The following ZNF256 variants were observed in gnomAD, a reference collection of about 807,000 sequenced individuals.
ZNF256 encodes the protein bone marrow zinc finger 3.
ZNF256 carries 4 observed loss-of-function variants against 7.9 expected under a neutral mutation model. The observed-to-expected ratio is 0.50, with a 90% CI of 0.25 to 1.15. ZNF256 has a LOEUF of 1.15. Ranked by LOEUF, ZNF256 falls within the 50% of genes most tolerant of loss-of-function variation. ZNF256 has a pLI of 0.15. For missense variants in ZNF256, 666 were observed against 755.9 expected (o/e 0.88, Z 1.39); for synonymous variants, 260 against 260.4 (o/e 1.00, Z 0.02).
rs904637837 is a variant in ZNF256, at chr19:57,943,844, A to G, written c.160+90T>C. The G allele has an allele frequency of 2.6e-6, 4 of 1,525,146 alleles. No individual in the cohort carries two copies. In the African/African-American group the frequency reaches 4.2e-5, roughly 16 times the overall value. The allele number at this position is 1,525,146 out of a possible 1,614,324, so 94.5% of individuals were successfully genotyped here. A position where few individuals can be genotyped will look rare whatever the true frequency, so the allele number is the denominator to read the frequency against. On this transcript the variant is annotated intron_variant, in intron 2 of 2. Coordinates refer to ENST00000282308, the MANE Select transcript of ZNF256 (RefSeq NM_005773.3). ...TGCCCAGGAACAGGAAGCTGTGTCA[A>G]TAGTCCTCTTGTGAAGACACATCTG... is the stretch of plus-strand genomic sequence containing the variant.
rs774222696 is a variant in ZNF256, at chr19:57,940,979, T to C, written c.1829A>G (p.Lys610Arg). Residue 610 changes from lysine to arginine, a missense_variant, in exon 3 of 3, where the codon AAA becomes AGA. Transcript: ENST00000282308. ...GAGGTTGGAGTTGAAGGTAAAAAAT[T>C]TTCCACAGTCACTACACTCATAAGG... Reference protein sequence around the residue: ...ERPYECSDCGKFFTFNSNLLK... With the variant: ...ERPYECSDCGRFFTFNSNLLK... The C allele has an allele frequency of 1.6e-5, 26 of 1,614,050 alleles. No individual in the cohort carries two copies. Among genetic ancestry groups the C allele is most frequent in the East Asian group, 2.2e-5 (1 of 44,900 alleles).
At chr19:57,946,316 T>C (rs76197662) in intron 1 of ZNF256, among the ~76,000 whole-genome samples, 1,826 of 152,330 alleles carry the variant, frequency 0.012, 26 homozygotes, top group Middle Eastern at 0.037. Context: ...AACGCCTCCA[T>C]TTAGTAGGCT....
At chr19:57,947,251 T>G (rs1437137378) in intron 1 of ZNF256, among the ~76,000 whole-genome samples, 191 bp downstream of exon 1, 1 of 152,192 alleles carries the variant, frequency 6.6e-6, no homozygotes, top group Non-Finnish European at 1.5e-5. Flanking sequence ...CAGGGCTCAG[T>G]GGCGCCTCTC....
At position 57,941,222 on chromosome 19, in the gene ZNF256, C is replaced by A. The variant is rs371194806; in HGVS notation, c.1586G>T (p.Ser529Ile). Residue 529 changes from serine (S) to isoleucine (I), a missense_variant, in exon 3 of 3, where the codon AGC (serine) becomes ATC (isoleucine). By Grantham distance (142) the Ser-to-Ile change is moderately radical (BLOSUM62 -2). Transcript: ENST00000282308. ...ATGTCTAATGAGGCTGGAGCTCTGG[C>A]TAAAAAACTTCCCACATTCATTGCA... ...YECNECGKFF[S>I]QSSSLIRHRR... The A allele has an allele frequency of 1.9e-5, 30 of 1,613,634 alleles. No individual in the cohort carries two copies. Among genetic ancestry groups the A allele is most frequent in the Non-Finnish European group, 2.2e-5 (26 of 1,179,752 alleles).
chr19:57,944,161 C>A, intron 1 of ZNF256, 101 bp from the exon 2 acceptor site: 1 of 1,543,100 alleles, frequency 6.5e-7, no homozygotes, highest in South Asian at 1.2e-5. Flanking sequence ...TCTTTCCAAG[C>A]TCTCCAAGCT....
chr19:57,944,208 T>C, intron 1 of ZNF256, 148 bp from the exon 2 acceptor site: 1 of 1,195,714 alleles, frequency 8.4e-7, no homozygotes, highest in Non-Finnish European at 1.2e-6. Context: ...GCTGGTGCTG[T>C]TGTCTCCTAA....
At position 57,942,074 on chromosome 19, in the gene ZNF256, C is replaced by A. The variant is rs2072733536; in HGVS notation, c.734G>T (p.Gly245Val). 7.4e-6 allele frequency: 12 copies of A among 1,614,084 alleles called. No homozygotes were observed. Among genetic ancestry groups the A allele is most frequent in the Non-Finnish European group, 1.0e-5 (12 of 1,180,048 alleles). ...GCTACAGCTTGTGCTAAAAGATTTCCCACATTCACTGCACATGTAAGATCT... is the reference window on the plus strand; with the variant it reads ...GCTACAGCTTGTGCTAAAAGATTTCACACATTCACTGCACATGTAAGATCT... ...RERSYMCSEC[G>V]KSFSTSCSLS... is the part of the protein sequence containing the mutation. Residue 245 changes from glycine (G) to valine (V), a missense_variant, in exon 3 of 3, where the codon GGG becomes GTG. Coordinates refer to ENST00000282308, the MANE Select transcript of ZNF256 (RefSeq NM_005773.3).
At chr19:57,946,870 C>G (rs551059955) in intron 1 of ZNF256, among the ~76,000 whole-genome samples, 1 of 152,304 alleles carries the variant, frequency 6.6e-6, no homozygotes, top group Admixed American at 6.5e-5. Flanking sequence ...CATCTTGTAC[C>G]TTTCTGGAAA....
At chr19:57,942,689 G>A (rs1356224935) in intron 2 of ZNF256, 42 bp from the exon 3 acceptor site, 2 of 1,587,440 alleles carry the variant, frequency 1.3e-6, no homozygotes, top group Non-Finnish European at 8.6e-7. Flanking sequence ...GCTGACTTTA[G>A]TGGAGTGGAG....
chr19:57,942,747 A>C, intron 2 of ZNF256, 100 bp from the exon 3 acceptor site: 1 of 1,435,420 alleles, frequency 7.0e-7, no homozygotes, highest in Non-Finnish European at 9.4e-7. Flanking sequence ...AACTGAGTCC[A>C]TGGGGTTGTT....
In ZNF256 at chr19:57,942,061, G is replaced by A. The variant is rs1214486554; in HGVS notation, c.747C>T (p.Ser249=). The part of the protein sequence containing the change: ...YMCSECGKSF[S]TSCSLSDHLR... Reference sequence around the variant, plus strand: ...AATGATCACTGAGGCTACAGCTTGTGCTAAAAGATTTCCCACATTCACTGC... The same window carrying A: ...AATGATCACTGAGGCTACAGCTTGTACTAAAAGATTTCCCACATTCACTGC... Residue 249 remains serine, a synonymous_variant, in exon 3 of 3, where the codon AGC becomes AGT. Transcript: ENST00000282308. 1 of 1,614,190 alleles carries A rather than the reference G, an allele frequency of 6.2e-7. No individual in the cohort carries two copies. Among genetic ancestry groups the A allele is most frequent in the Non-Finnish European group, 8.5e-7 (1 of 1,180,036 alleles).
Position 57,942,558 on chromosome 19 carries a change from G to A in ZNF256, c.250C>T (p.Pro84Ser). ...VSQVRIPKAL[P>S]SPQKTNPCEI... ...CAGGGGTTGGTCTTCTGGGGAGAAG[G>A]AAGGGCCTTAGGAATCCTAACCTGT... The change falls in exon 3 of 3, where the codon CCT becomes TCT. Residue 84 changes from proline to serine, a missense_variant. Physicochemically the swap from Pro to Ser is moderately conservative, Grantham distance 74. Coordinates refer to ENST00000282308, the MANE Select transcript of ZNF256 (RefSeq NM_005773.3). The A allele has an allele frequency of 1.9e-6, 3 of 1,614,194 alleles. No individual in the cohort carries two copies. Among genetic ancestry groups the A allele is most frequent in the Non-Finnish European group, 2.5e-6 (3 of 1,180,042 alleles).
Position 57,941,716 on chromosome 19 carries a change from A to G in ZNF256, c.1092T>C (p.Ser364=), listed in dbSNP as rs775663975. Reference sequence around the variant, plus strand: ...GAACTCTCTGGTGTGTAATAAGGCTAGAACTATGGATAAAAGATTTCCCAC... The same window carrying G: ...GAACTCTCTGGTGTGTAATAAGGCTGGAACTATGGATAAAAGATTTCCCAC... ...SECGKSFIHS[S]SLITHQRVHT... The change falls in exon 3 of 3, where the codon TCT becomes TCC. Residue 364 remains serine (S), a synonymous_variant. Coordinates refer to ENST00000282308, the MANE Select transcript of ZNF256 (RefSeq NM_005773.3). 2.5e-6 allele frequency: 4 copies of G among 1,614,004 alleles called. No homozygotes were observed. The South Asian group carries it at 4.4e-5, about 18-fold the overall frequency.
At chr19:57,945,203 TATTA>T (rs2072758742) in intron 1 of ZNF256, among the ~76,000 whole-genome samples, 1 of 152,250 alleles carries the variant, frequency 6.6e-6, no homozygotes, top group African/African-American at 2.4e-5. Flanking sequence ...CTGAACAGCT[TATTA>T]ATTAAAGACA....
At chr19:57,943,247 T>C (rs2072742725) in intron 2 of ZNF256, among the ~76,000 whole-genome samples, 1 of 152,110 alleles carries the variant, frequency 6.6e-6, no homozygotes, top group Non-Finnish European at 1.5e-5. Context: ...CACCAAAATA[T>C]TAGTCAAACA....
Position 57,940,993 on chromosome 19 carries a change from A to G in ZNF256, c.1815T>C (p.Cys605=), listed in dbSNP as rs772896550. 38 of 1,614,056 alleles carry G rather than the reference A, an allele frequency of 2.4e-5. No homozygotes were observed. Among genetic ancestry groups the G allele is most frequent in the Admixed American group, 3.3e-5 (2 of 59,984 alleles). Residue 605 remains cysteine, a synonymous_variant, in exon 3 of 3, where the codon TGT becomes TGC. Transcript: ENST00000282308. The part of the protein sequence containing the change: ...RIHSGERPYE[C]SDCGKFFTFN... ...AGGTAAAAAATTTTCCACAGTCACT[A>G]CACTCATAAGGCCTTTCCCCACTGT...
chr19:57,944,196 C>G (rs2072750559), intron 1 of ZNF256, 136 bp from the exon 2 acceptor site: 3 of 1,315,748 alleles, frequency 2.3e-6, no homozygotes, highest in Non-Finnish European at 3.1e-6. Context: ...AGAAAGCAGT[C>G]AGCTGGTGCT....
Position 57,941,030 on chromosome 19 carries a change from TG to T in ZNF256, c.1777del (p.His593ThrfsTer27). ...SFSQSSNLTN[H>X]QRIHSGERPY... ...CCTTTCCCCACTGTGAATTCGCTGG[TG>T]ATTAGTGAGGTTAGAGCTCTGGCTA... On this transcript the variant is annotated frameshift_variant, in exon 3 of 3. Transcript: ENST00000282308. LOFTEE classifies it low-confidence loss of function (END_TRUNC). The T allele has an allele frequency of 6.2e-7, 1 of 1,614,186 alleles. No individual in the cohort carries two copies. The highest frequency in any genetic ancestry group is 8.5e-7 in the Non-Finnish European group (1 of 1,180,034).
chr19:57,947,132 T>G (rs939745472), intron 1 of ZNF256, among the ~76,000 whole-genome samples: 6 of 152,204 alleles, frequency 3.9e-5, no homozygotes, highest in African/African-American at 1.4e-4. Flanking sequence ...GAGCCAGGCC[T>G]CAGAGAAGAG....
Sources: allele counts gnomAD v4.1 joint callset (sites outside exome capture counted in the v4.1 genomes callset), GRCh38; gene constraint gnomAD v4.1.1; transcripts MANE v1.5; gene names NCBI Gene and HGNC (gene_info 2026-07-23, HGNC 2026-07-21).